The following RANBP2 variants were observed in gnomAD, a reference collection of about 807,000 sequenced individuals.
RANBP2 encodes E3 SUMO-protein ligase RanBP2.
A neutral mutation model predicts 303.6 loss-of-function variants in RANBP2; 57 were observed. That is an observed-to-expected ratio of 0.19 (90% confidence interval 0.15 to 0.23). RANBP2 has a LOEUF of 0.23. RANBP2 is among the 10% of genes least tolerant of loss of function. The probability of loss-of-function intolerance (pLI) is 1.00; values close to 1 mark genes in which losing one functional copy is unlikely to be tolerated. For synonymous variants in RANBP2, 1,167 were observed against 1,301.5 expected (o/e 0.90, Z 2.23); for missense variants, 3,138 against 3,780.8 (o/e 0.83, Z 4.46).
the RANBP2 span, among the ~76,000 whole-genome samples, chr2:109,281,278 G>A: frequency 6.6e-6 from 1 of 152,224 alleles, no homozygotes; most frequent in Non-Finnish European, 1.5e-5. Flanking sequence ...TGTGGGTTTT[G>A]TTGGGGTGGA....
chr2:108,979,820 T>C, the RANBP2 span, among the ~76,000 whole-genome samples: 1 of 152,100 alleles, frequency 6.6e-6, no homozygotes, highest in East Asian at 1.9e-4. Flanking sequence ...CCATCTGACA[T>C]GACATGCTTC....
chr2:109,508,232 C>G, the RANBP2 span, among the ~76,000 whole-genome samples: 3 of 152,234 alleles, frequency 2.0e-5, no homozygotes, highest in African/African-American at 7.2e-5. Context: ...TGGGCCCGTG[C>G]TGCCCTCCCT....
At chr2:109,616,219 C>G in the RANBP2 span, 2 of 1,237,546 alleles carry the variant, frequency 1.6e-6, no homozygotes, top group Non-Finnish European at 2.1e-6. Context: ...TTCAGGCTAG[C>G]CTTCTGGGAA....
At chr2:109,633,678 C>G in the RANBP2 span, among the ~76,000 whole-genome samples, 3 of 152,058 alleles carry the variant, frequency 2.0e-5, no homozygotes, top group African/African-American at 7.2e-5. Context: ...CTCTCCTCTC[C>G]CAAAATAAAG....
At chr2:109,288,669 C>T in the RANBP2 span, among the ~76,000 whole-genome samples, 646 of 152,302 alleles carry the variant, frequency 4.2e-3, 10 homozygotes, top group African/African-American at 0.015. Flanking sequence ...CACTCAATTA[C>T]GTTTTTTTCT....
the RANBP2 span, among the ~76,000 whole-genome samples, chr2:109,068,500 A>C: frequency 3.3e-5 from 5 of 152,356 alleles, no homozygotes; most frequent in South Asian, 1.0e-3. Flanking sequence ...ACGGATGCCC[A>C]GTAAGTGGGG....
chr2:109,583,894 C>A, the RANBP2 span, among the ~76,000 whole-genome samples: 1 of 152,110 alleles, frequency 6.6e-6, no homozygotes, highest in African/African-American at 2.4e-5. Context: ...GAACAAAAAA[C>A]CAAATACCAT....
the RANBP2 span, among the ~76,000 whole-genome samples, chr2:108,968,148 C>T: frequency 6.6e-6 from 1 of 152,094 alleles, no homozygotes. Context: ...AAGGCGCCGT[C>T]ATTGTTCTCA....
At chr2:109,214,123 G>A in the RANBP2 span, among the ~76,000 whole-genome samples, 9 of 152,286 alleles carry the variant, frequency 5.9e-5, no homozygotes, top group Non-Finnish European at 1.2e-4. Context: ...TGGGTGTGCC[G>A]GGTGCCCCCA....
the RANBP2 span, among the ~76,000 whole-genome samples, chr2:108,814,991 G>A: frequency 2.6e-5 from 4 of 152,050 alleles, no homozygotes; most frequent in Admixed American, 2.0e-4. Context: ...GTGGATATGT[G>A]TAGTGGTATC....
At chr2:109,352,652 G>A in the RANBP2 span, among the ~76,000 whole-genome samples, 1 of 152,206 alleles carries the variant, frequency 6.6e-6, no homozygotes, top group East Asian at 1.9e-4. Flanking sequence ...TTACCCTGAA[G>A]TTACCCGAGA....
chr2:109,726,661 T>G, the RANBP2 span, among the ~76,000 whole-genome samples: 2 of 152,140 alleles, frequency 1.3e-5, no homozygotes, highest in African/African-American at 4.8e-5. Context: ...GTCTTCGAGT[T>G]TTTTTAGTTT....
chr2:108,972,076 C>T, the RANBP2 span, among the ~76,000 whole-genome samples: 4 of 152,256 alleles, frequency 2.6e-5, no homozygotes, highest in Non-Finnish European at 5.9e-5. Context: ...CAGCCGACTG[C>T]AGCCTCAGGA....
the RANBP2 span, among the ~76,000 whole-genome samples, chr2:109,493,233 A>G: frequency 5.3e-5 from 8 of 151,548 alleles, no homozygotes; most frequent in Admixed American, 1.3e-4. Flanking sequence ...CACATACAGC[A>G]TATACACACG....
the RANBP2 span, among the ~76,000 whole-genome samples, chr2:109,283,190 A>C: frequency 6.6e-6 from 1 of 152,302 alleles, no homozygotes; most frequent in South Asian, 2.1e-4. Flanking sequence ...TGCCTGGAGC[A>C]TGCCTCTGTT....
chr2:109,331,552 A>G, the RANBP2 span, among the ~76,000 whole-genome samples: 25 of 152,008 alleles, frequency 1.6e-4, no homozygotes, highest in Non-Finnish European at 2.5e-4. Context: ...CCGCCTTCCA[A>G]TCCCCTTCTG....
the RANBP2 span, among the ~76,000 whole-genome samples, chr2:109,081,051 C>T: frequency 0.032 from 4,937 of 152,312 alleles, 118 homozygotes; most frequent in Non-Finnish European, 0.047. Flanking sequence ...TGATGTGTGC[C>T]TGCCCAACTG....
At chr2:108,990,030 C>T in the RANBP2 span, among the ~76,000 whole-genome samples, 1 of 152,196 alleles carries the variant, frequency 6.6e-6, no homozygotes, top group East Asian at 1.9e-4. Flanking sequence ...GGCTCCGTGG[C>T]TCACACCTGT....
At chr2:109,022,529 T>C in the RANBP2 span, among the ~76,000 whole-genome samples, 9 of 152,226 alleles carry the variant, frequency 5.9e-5, no homozygotes, top group East Asian at 1.7e-3. Flanking sequence ...CATTTCTCAA[T>C]TGTAAGTGGG....
Sources: gnomAD v4.1 joint callset for allele counts (sites outside exome capture counted in the v4.1 genomes callset) on GRCh38, gnomAD v4.1.1 for gene constraint, MANE v1.5 for transcripts, NCBI Gene and HGNC (gene_info 2026-07-23, HGNC 2026-07-21) for gene names.